ZC3H4: variants seen among roughly 807,000 people sequenced by gnomAD.
The protein encoded by ZC3H4 is zinc finger CCCH domain-containing protein 4.
A neutral mutation model predicts 108.3 loss-of-function variants in ZC3H4; 13 were observed. The ratio of observed to expected loss-of-function variants is 0.12; its 90% CI spans 0.08 to 0.19. The LOEUF (loss-of-function observed/expected upper bound fraction) is 0.19. Ranked by LOEUF, ZC3H4 falls within the 10% of genes least tolerant of loss-of-function variation. The pLI is 1.00. For missense variants in ZC3H4, 1,734 were observed against 1,838.8 expected (o/e 0.94, Z 1.04); for synonymous variants, 917 against 749.6 (o/e 1.22, Z -3.65).
In ZC3H4 at chr19:47,064,463, T is replaced by C. The variant is rs2057168929; in HGVS notation, c.*1893A>G. ...CCTGATGGCAAATGAGAATTTCGGG[T>C]GAATTCATAGTCCTATGAGGTTCTT... On this transcript the variant is annotated 3_prime_UTR_variant, in exon 15 of 15. Transcript: ENST00000253048. 6.6e-6 allele frequency: 1 copy of C among 152,500 alleles called. No homozygotes were observed. Among genetic ancestry groups the C allele is most frequent in the Admixed American group, 6.5e-5 (1 of 15,282 alleles). 9.4% of individuals were successfully genotyped at this position (152,500 alleles called of 1,614,324 possible). A position where few individuals can be genotyped will look rare whatever the true frequency, so the allele number is the denominator to read the frequency against.
At chr19:47,077,852 C>G (rs965441453) in intron 11 of ZC3H4, among the ~76,000 whole-genome samples, 1 of 144,354 alleles carries the variant, frequency 6.9e-6, no homozygotes, top group African/African-American at 2.6e-5. Flanking sequence ...AGCAAAACTC[C>G]GTCTCAAACA....
Position 47,067,948 on chromosome 19 carries a change from C to A in ZC3H4, c.2399-79G>T, listed in dbSNP as rs997541064. On this transcript the variant is annotated intron_variant, in intron 14 of 14. Transcript: ENST00000253048. The surrounding 1 kb of genome is among the most constrained non-coding windows in gnomAD (Gnocchi z 6.4). Reference sequence around the variant, plus strand: ...CCTCTTGGATCCCACAGCAGCCCACCGTGAGCAGCTCCTTTGCTTGTGCCT... The same window carrying A: ...CCTCTTGGATCCCACAGCAGCCCACAGTGAGCAGCTCCTTTGCTTGTGCCT... 7.4e-7 allele frequency: 1 copy of A among 1,350,306 alleles called. No individual in the cohort carries two copies. Among genetic ancestry groups the A allele is most frequent in the Non-Finnish European group, 1.0e-6 (1 of 982,742 alleles). The allele number at this position is 1,350,306 out of a possible 1,614,324, so 83.6% of individuals were successfully genotyped here. A position where few individuals can be genotyped will look rare whatever the true frequency, so the allele number is the denominator to read the frequency against.
In ZC3H4 at chr19:47,097,450, C is replaced by T. The variant is rs114275231; in HGVS notation, c.162-2842G>A. 4.1e-3 allele frequency among the ~76,000 whole-genome samples: 626 copies of T among 152,368 alleles called. 4 individuals carry two copies. The highest frequency in any genetic ancestry group is 0.014 in the African/African-American group (589 of 41,586). The stretch of plus-strand genomic sequence containing the variant: ...CGAGCCCTGGGCTAACTTCTGTCCA[C>T]AGTCACCTCAAGGGGTCCCCCCTCA... On this transcript the variant is annotated intron_variant, in intron 2 of 14. Transcript: ENST00000253048.
intron 13 of ZC3H4, 46 bp from the exon 14 acceptor site, chr19:47,069,389 G>A (rs958688281): frequency 1.3e-5 from 21 of 1,587,522 alleles, no homozygotes; most frequent in East Asian, 9.1e-5. Flanking sequence ...AGGGCCTCCA[G>A]GTGCCAACTC....
chr19:47,102,851 C>G (rs2057921316), intron 2 of ZC3H4, among the ~76,000 whole-genome samples: 1 of 152,050 alleles, frequency 6.6e-6, no homozygotes, highest in Non-Finnish European at 1.5e-5. Flanking sequence ...TCCAAAGTCC[C>G]CTAATATGAA....
chr19:47,086,328 C>T lies in ZC3H4; in HGVS notation c.870+56G>A, dbSNP rs945834987. The T allele has an allele frequency of 2.2e-5, 35 of 1,605,146 alleles. No individual in the cohort carries two copies. The East Asian group carries it at 6.5e-4, about 30-fold the overall frequency. On this transcript the variant is annotated intron_variant, in intron 6 of 14. Transcript: ENST00000253048. Reference sequence around the variant, plus strand: ...ACAGCCTCTACCAGCAGTGCTCACGCCCCGGAAAGCCCACCAGCCTCACCC... The same window carrying T: ...ACAGCCTCTACCAGCAGTGCTCACGTCCCGGAAAGCCCACCAGCCTCACCC...
Position 47,072,470 on chromosome 19 carries a change from G to T in ZC3H4, c.1684C>A (p.His562Asn). 1 of 1,563,812 alleles carries T rather than the reference G, an allele frequency of 6.4e-7. No individual in the cohort carries two copies. Among genetic ancestry groups the T allele is most frequent in the Non-Finnish European group, 8.7e-7 (1 of 1,151,606 alleles). ...PGPPQMPMPVHEPLSPQQLQQ... is the reference protein window; with the variant it reads ...PGPPQMPMPVNEPLSPQQLQQ... ...AGCTGCTGCGGGGACAGTGGCTCAT[G>T]CACCGGCATGGGCATCTGAGGGGGC... The change falls in exon 12 of 15, where the codon CAT becomes AAT. Residue 562 changes from histidine to asparagine, a missense_variant. His to Asn is a moderately conservative substitution (Grantham distance 68, BLOSUM62 1). Around this residue, in one of 9 missense-constraint regions of ZC3H4, gnomAD observed 75 missense variants for 85.8 expected, o/e 0.87. Coordinates refer to ENST00000253048, the MANE Select transcript of ZC3H4 (RefSeq NM_015168.2). This position sits in a 1 kb window ranked among gnomAD's most constrained non-coding sequence, Gnocchi z 5.6.
intron 14 of ZC3H4, among the ~76,000 whole-genome samples, chr19:47,068,889 C>T (rs1177344302): frequency 6.6e-6 from 1 of 152,198 alleles, no homozygotes; most frequent in African/African-American, 2.4e-5. Context: ...CTCTCCTGAA[C>T]CCAACACAGA....
chr19:47,104,411 T>G (rs1162628425), intron 2 of ZC3H4, among the ~76,000 whole-genome samples: 1 of 152,156 alleles, frequency 6.6e-6, no homozygotes, highest in African/African-American at 2.4e-5. Flanking sequence ...CAGACAAGAA[T>G]GAGGTTCACA....
chr19:47,093,805 T>C lies in ZC3H4; in HGVS notation c.492+165A>G, dbSNP rs530754887. The C allele has an allele frequency of 2.4e-4, 128 of 534,220 alleles. 1 individual carries two copies. The Admixed American group carries it at 3.9e-3, about 16-fold the overall frequency. 33.1% of individuals were successfully genotyped at this position (534,220 alleles called of 1,614,324 possible). A position where few individuals can be genotyped will look rare whatever the true frequency, so the allele number is the denominator to read the frequency against. On this transcript the variant is annotated intron_variant, in intron 4 of 14. Coordinates refer to ENST00000253048, the MANE Select transcript of ZC3H4 (RefSeq NM_015168.2). ...TGTCTGGGCTGCCTTGTTGAAATTG[T>C]CTAAGTTTCAGTTTCCTCACTCATA...
Position 47,067,763 on chromosome 19 carries a change from T to C in ZC3H4, c.2505A>G (p.Ser835=). The C allele has an allele frequency of 6.2e-7, 1 of 1,609,690 alleles. No individual in the cohort carries two copies. Reference sequence around the variant, plus strand: ...GCCCACTGCTGCTCAGCTCCCCAACTGAAGCCGGGGGTCGGCTGGACGTCT... The same window carrying C: ...GCCCACTGCTGCTCAGCTCCCCAACCGAAGCCGGGGGTCGGCTGGACGTCT... The part of the protein sequence containing the change: ...RQQTSSRPPA[S]VGELSSSGLG... Residue 835 remains serine, a synonymous_variant, in exon 15 of 15, where the codon TCA becomes TCG. Coordinates refer to ENST00000253048, the MANE Select transcript of ZC3H4 (RefSeq NM_015168.2). The surrounding 1 kb of genome is among the most constrained non-coding windows in gnomAD (Gnocchi z 6.4).
chr19:47,105,287 G>C (rs1385730701), intron 2 of ZC3H4, among the ~76,000 whole-genome samples: 4 of 152,176 alleles, frequency 2.6e-5, no homozygotes, highest in African/African-American at 9.7e-5. Flanking sequence ...AAATGAATGA[G>C]TATGGCTGTG....
chr19:47,106,934 C>A (rs980087132), intron 2 of ZC3H4, among the ~76,000 whole-genome samples: 1 of 152,188 alleles, frequency 6.6e-6, no homozygotes, highest in Admixed American at 6.5e-5. Flanking sequence ...CGTGGGGAAA[C>A]TGACTAGTTT....
intron 2 of ZC3H4, 90 bp downstream of exon 2, chr19:47,112,334 C>G (rs2058050986): frequency 2.8e-5 from 34 of 1,198,212 alleles, no homozygotes; most frequent in Non-Finnish European, 3.4e-5. Context: ...TCCTCCTCCG[C>G]GGCCCGGCCC....
chr19:47,092,219 C>A (rs2057745952), intron 4 of ZC3H4, among the ~76,000 whole-genome samples: 2 of 151,938 alleles, frequency 1.3e-5, no homozygotes, highest in South Asian at 4.1e-4. Context: ...AACAAACAAA[C>A]AAACAATAAA....
intron 5 of ZC3H4, among the ~76,000 whole-genome samples, chr19:47,089,710 C>G (rs578085684): frequency 9.2e-5 from 14 of 152,166 alleles, no homozygotes; most frequent in African/African-American, 3.4e-4. Flanking sequence ...CCTTCTCCCC[C>G]CACAGCTGAC....
rs1197751804 is a variant in ZC3H4 at position 47,099,446 on chromosome 19, T to A, written c.162-4838A>T. Among the ~76,000 whole-genome samples, 3 of 145,476 alleles carry A rather than the reference T, an allele frequency of 2.1e-5. No homozygotes were observed. In the East Asian group the frequency reaches 6.0e-4, roughly 29 times the overall value. On this transcript the variant is annotated intron_variant, in intron 2 of 14. Coordinates refer to ENST00000253048, the MANE Select transcript of ZC3H4 (RefSeq NM_015168.2). ...TACACTCCAGCCTGGGCAACAAGAG[T>A]GAAACTCCGTCTCAAAAAAAAAAAA... is the stretch of plus-strand genomic sequence containing the variant.
At chr19:47,096,642 G>A (rs1402621672) in intron 2 of ZC3H4, among the ~76,000 whole-genome samples, 1 of 152,196 alleles carries the variant, frequency 6.6e-6, no homozygotes, top group Non-Finnish European at 1.5e-5. Context: ...AGAAGGCCCG[G>A]GACAGACTGG....
rs1166867337 is a variant in ZC3H4 at position 47,081,628 on chromosome 19, T to C, written c.1331-6A>G. ...CAGCTTACACGGGAAATCACGTTCATGGCAAATTAAGGTAAATGCTTCATC... is the reference window on the plus strand; with the variant it reads ...CAGCTTACACGGGAAATCACGTTCACGGCAAATTAAGGTAAATGCTTCATC... On this transcript the variant is annotated splice_region_variant and splice_polypyrimidine_tract_variant and intron_variant, in intron 10 of 14. Coordinates refer to ENST00000253048, the MANE Select transcript of ZC3H4 (RefSeq NM_015168.2). The C allele has an allele frequency of 1.2e-6, 2 of 1,613,384 alleles. No homozygotes were observed. The highest frequency in any genetic ancestry group is 1.7e-6 in the Non-Finnish European group (2 of 1,179,288).
Sources: allele counts gnomAD v4.1 joint callset (sites outside exome capture counted in the v4.1 genomes callset), GRCh38; gene constraint gnomAD v4.1.1; regional missense constraint gnomAD v4.1.1; non-coding constraint Gnocchi (gnomAD v3.1); transcripts MANE v1.5; gene names NCBI Gene and HGNC (gene_info 2026-07-23, HGNC 2026-07-21).